CDK5RAP2: variants seen among roughly 807,000 people sequenced by gnomAD.
CDK5RAP2 encodes the protein CDK5 regulatory subunit-associated protein 2.
In CDK5RAP2, 147 loss-of-function variants were observed where a neutral mutation model predicts 232.9. The observed-to-expected ratio is 0.63, with a 90% CI of 0.55 to 0.72. The LOEUF is 0.72. Ranked by LOEUF, CDK5RAP2 falls within the 30% of genes least tolerant of loss-of-function variation. The probability of loss-of-function intolerance (pLI) is 0.00; values close to 1 mark genes in which losing one functional copy is unlikely to be tolerated. For missense variants in CDK5RAP2, 2,195 were observed against 2,231.5 expected, an observed-to-expected ratio of 0.98 and a Z score of 0.33; for synonymous variants, 833 against 833.7, an observed-to-expected ratio of 1.00 and a Z score of 0.01.
intron 23 of CDK5RAP2, among the ~76,000 whole-genome samples, chr9:120,443,257 G>A (rs992899040): frequency 6.6e-6 from 1 of 152,124 alleles, no homozygotes; most frequent in Admixed American, 6.5e-5. Flanking sequence ...AGGCAGCCCC[G>A]CGCTGAATAC....
chr9:120,392,685 G>C (rs1252675439), intron 36 of CDK5RAP2, among the ~76,000 whole-genome samples: 1 of 152,158 alleles, frequency 6.6e-6, no homozygotes, highest in South Asian at 2.1e-4. Context: ...AGCTGGCACT[G>C]TCTCTCTCCA....
At chr9:120,429,781 A>G (rs2035161149) in intron 25 of CDK5RAP2, among the ~76,000 whole-genome samples, 1 of 152,206 alleles carries the variant, frequency 6.6e-6, no homozygotes. Flanking sequence ...TATGGAACCA[A>G]AAAAGAGCCC....
chr9:120,406,842 G>T, intron 32 of CDK5RAP2, 170 bp downstream of exon 32: 1 of 612,522 alleles, frequency 1.6e-6, no homozygotes. Flanking sequence ...TTTGCCCAAG[G>T]TGACCGCTAA....
intron 12 of CDK5RAP2, among the ~76,000 whole-genome samples, chr9:120,493,682 C>G (rs903808696): frequency 7.2e-5 from 11 of 152,026 alleles, no homozygotes; most frequent in Non-Finnish European, 1.5e-4. Context: ...AGAAATAAGT[C>G]AAATGACATT....
intron 14 of CDK5RAP2, among the ~76,000 whole-genome samples, chr9:120,485,686 C>T (rs1468687616): frequency 1.8e-4 from 28 of 152,188 alleles, no homozygotes; most frequent in Admixed American, 1.8e-3. Context: ...GAGCTGCTAT[C>T]TTGGTGTGAA....
At chr9:120,567,992 G>A (rs2132173472) in intron 3 of CDK5RAP2, among the ~76,000 whole-genome samples, 1 of 152,208 alleles carries the variant, frequency 6.6e-6, no homozygotes, top group East Asian at 1.9e-4. Context: ...TTTGACAAAT[G>A]TTAGCTCCCC....
chr9:120,394,146 C>T (rs919609389), intron 36 of CDK5RAP2, among the ~76,000 whole-genome samples: 17 of 152,188 alleles, frequency 1.1e-4, no homozygotes, highest in Admixed American at 2.0e-4. Context: ...CATGTGACGA[C>T]GTCTGCTTTC....
At chr9:120,540,300 C>CTAAG (rs567841910) in intron 5 of CDK5RAP2, among the ~76,000 whole-genome samples, 1 of 152,308 alleles carries the variant, frequency 6.6e-6, no homozygotes, top group South Asian at 2.1e-4. Context: ...ATGCTTCCAC[C>CTAAG]TAAGGCTGGT....
At chr9:120,545,838 C>A (rs754709122) in intron 4 of CDK5RAP2, 48 bp from the exon 5 acceptor site, 19 of 1,441,048 alleles carry the variant, frequency 1.3e-5, no homozygotes, top group South Asian at 6.8e-5. Context: ...AAATAGAGGA[C>A]CTATGAATGT....
chr9:120,474,174 G>GAA (rs1475877949), intron 15 of CDK5RAP2, among the ~76,000 whole-genome samples: 2 of 152,126 alleles, frequency 1.3e-5, no homozygotes, highest in African/African-American at 4.8e-5. Context: ...TATTACATGG[G>GAA]AAAGACGTTA....
intron 2 of CDK5RAP2, among the ~76,000 whole-genome samples, chr9:120,570,107 C>A (rs1021114325): frequency 1.3e-5 from 2 of 152,094 alleles, no homozygotes; most frequent in Admixed American, 6.5e-5. Flanking sequence ...GAAGGAGAGA[C>A]AGCCCAGGCA....
intron 8 of CDK5RAP2, among the ~76,000 whole-genome samples, chr9:120,529,756 T>C (rs952185753): frequency 6.6e-6 from 1 of 152,204 alleles, no homozygotes; most frequent in Non-Finnish European, 1.5e-5. Flanking sequence ...AGGTAGGGAC[T>C]GGTTTTCTTT....
Position 120,491,761 on chromosome 9 carries a change from TAA to T in CDK5RAP2, c.1312-286_1312-285del, listed in dbSNP as rs570816083. 4.3e-3 allele frequency among the ~76,000 whole-genome samples: 649 copies of T among 152,262 alleles called. 1 individual carries two copies. Among genetic ancestry groups the T allele is most frequent in the Non-Finnish European group, 6.2e-3 (422 of 67,982 alleles). ...ACAGTCAACAACAGAGAAATAATTA[TAA>T]AGAGTACGGTATTTAAAAAACACAC... On this transcript the variant is annotated intron_variant, in intron 12 of 37. Transcript: ENST00000349780.
chr9:120,532,378 T>C (rs2041190891), intron 7 of CDK5RAP2: 1 of 152,166 alleles, frequency 6.6e-6, no homozygotes, highest in African/African-American at 2.4e-5. Context: ...AGCTAAAGCA[T>C]GCACCTTTAA....
At chr9:120,415,015 G>T (rs761879804) in intron 28 of CDK5RAP2, 25 bp downstream of exon 28, 2 of 1,613,562 alleles carry the variant, frequency 1.2e-6, no homozygotes, top group Admixed American at 3.3e-5. Context: ...GACATGTACA[G>T]TCCTCCAGGA....
At chr9:120,548,114 AAAC>A (rs1166497222) in intron 4 of CDK5RAP2, among the ~76,000 whole-genome samples, 2 of 152,230 alleles carry the variant, frequency 1.3e-5, no homozygotes, top group Middle Eastern at 3.2e-3. Flanking sequence ...CTTCACTGTC[AAAC>A]AACAAGAATT....
At chr9:120,567,454 G>C (rs149501325) in intron 3 of CDK5RAP2, among the ~76,000 whole-genome samples, 91 of 152,318 alleles carry the variant, frequency 6.0e-4, no homozygotes, top group African/African-American at 1.9e-3. Flanking sequence ...TATCTCTTGT[G>C]TCTTGCATAG....
chr9:120,460,060 C>T (rs760117516), intron 19 of CDK5RAP2, among the ~76,000 whole-genome samples: 19 of 152,232 alleles, frequency 1.2e-4, no homozygotes, highest in Admixed American at 2.6e-4. Flanking sequence ...GCCCAAATGA[C>T]AGTAACGTGG....
intron 12 of CDK5RAP2, among the ~76,000 whole-genome samples, chr9:120,511,515 G>T (rs1369219208): frequency 6.6e-6 from 1 of 152,196 alleles, no homozygotes; most frequent in Non-Finnish European, 1.5e-5. Context: ...TATTGTTGAA[G>T]ATGCTATAAA....
Sources: gnomAD v4.1 joint callset for allele counts (sites outside exome capture counted in the v4.1 genomes callset) on GRCh38, gnomAD v4.1.1 for gene constraint, MANE v1.5 for transcripts, NCBI Gene and HGNC (gene_info 2026-07-23, HGNC 2026-07-21) for gene names.